Variants in C10orf90 observed in about 807,000 individuals in gnomAD.
C10orf90 encodes the protein chromosome 10 open reading frame 90.
Under a neutral mutation model 62.5 loss-of-function variants are expected in C10orf90, and 56 were observed. The observed-to-expected ratio is 0.90, with a 90% confidence interval of 0.72 to 1.12. C10orf90 has a LOEUF of 1.12. C10orf90 is among the 50% of genes most tolerant of loss of function. C10orf90 has a pLI of 0.00. For missense variants in C10orf90, 970 were observed against 880.4 expected (o/e 1.10, Z -1.29); for synonymous variants, 386 against 340.4 (o/e 1.13, Z -1.47).
intron 2 of C10orf90, among the ~76,000 whole-genome samples, chr10:126,601,477 A>T (rs1845197156): frequency 6.6e-6 from 1 of 151,832 alleles, no homozygotes; most frequent in South Asian, 2.1e-4. Flanking sequence ...TTATTTTTTT[A>T]AAAAGGTGAC....
At chr10:126,430,337 C>T (rs1003059276) in intron 7 of C10orf90, among the ~76,000 whole-genome samples, 3 of 152,184 alleles carry the variant, frequency 2.0e-5, no homozygotes, top group African/African-American at 7.2e-5. Context: ...CACCTTGCCC[C>T]CTTCCTAATG....
rs1165912408 is a variant in C10orf90, at chr10:126,649,078, C to CA, written c.241-2442_241-2441insT. On this transcript the variant is annotated intron_variant, in intron 1 of 9. Coordinates refer to ENST00000488181, the MANE Select transcript of C10orf90 (RefSeq NM_001350921.2). ...TCTCTCTCTCTCTCTCTCTCCCCCC[C>CA]CCCCAGCAATTCACAATGGATGGCA... 4.1e-3 allele frequency among the ~76,000 whole-genome samples: 431 copies of CA among 106,092 alleles called. 4 individuals are homozygous for CA. The highest frequency in any genetic ancestry group is 6.7e-3 in the Non-Finnish European group (344 of 51,536). The allele number at this position is 106,092 out of a possible 152,430, so 69.6% of individuals were successfully genotyped here. A position where few individuals can be genotyped will look rare whatever the true frequency, so the allele number is the denominator to read the frequency against.
chr10:126,620,668 C>T (rs1272942883), intron 2 of C10orf90, among the ~76,000 whole-genome samples: 1 of 151,806 alleles, frequency 6.6e-6, no homozygotes, highest in Non-Finnish European at 1.5e-5. Context: ...AAATAGAAGA[C>T]CCTCCTTGGA....
chr10:126,532,585 C>T (rs532973719), intron 2 of C10orf90, among the ~76,000 whole-genome samples: 1 of 151,908 alleles, frequency 6.6e-6, no homozygotes, highest in African/African-American at 2.4e-5. Context: ...CGCCTATAGT[C>T]CCTGCACTTT....
In C10orf90 at chr10:126,427,278, A is replaced by C. The variant is rs891711140; in HGVS notation, c.2253-1188T>G. On this transcript the variant is annotated intron_variant, in intron 8 of 9. Coordinates refer to ENST00000488181, the MANE Select transcript of C10orf90 (RefSeq NM_001350921.2). ...TAGGAGAGAAAACTATAAAGGAGTC[A>C]GTTAGAAAGTAGGCATGTCTCAAAG... Among the ~76,000 whole-genome samples the C allele has an allele frequency of 6.6e-5, 10 of 152,366 alleles. No homozygotes were observed. The East Asian group carries it at 1.7e-3, about 26-fold the overall frequency.
chr10:126,513,364 A>G (rs1410554303), intron 3 of C10orf90, among the ~76,000 whole-genome samples: 2 of 152,206 alleles, frequency 1.3e-5, no homozygotes, highest in Non-Finnish European at 2.9e-5. Flanking sequence ...TCGATTAGAC[A>G]GAGCCTGGTG....
intron 7 of C10orf90, among the ~76,000 whole-genome samples, chr10:126,450,503 T>G (rs1030618913): frequency 2.0e-4 from 31 of 152,150 alleles, no homozygotes; most frequent in Non-Finnish European, 2.9e-5. Context: ...ACAAGTAGAC[T>G]GATGGAACAG....
At chr10:126,512,442 C>G (rs181712523) in intron 3 of C10orf90, among the ~76,000 whole-genome samples, 3 of 150,836 alleles carry the variant, frequency 2.0e-5, no homozygotes, top group Middle Eastern at 3.2e-3. Context: ...TACAGGGATC[C>G]AGCCACATAG....
chr10:126,518,204 C>T (rs1040939993), intron 2 of C10orf90, among the ~76,000 whole-genome samples: 1 of 152,152 alleles, frequency 6.6e-6, no homozygotes, highest in African/African-American at 2.4e-5. Context: ...GGCCCCCAGA[C>T]CAGCAGCATC....
rs1393993040 is a variant in C10orf90 at position 126,461,493 on chromosome 10, A to AGGGTGCTGCTG, written c.1907_1917dup (p.Ser640GlnfsTer32). 1 of 1,613,972 alleles carries AGGGTGCTGCTG rather than the reference A, an allele frequency of 6.2e-7. No individual in the cohort carries two copies. Among genetic ancestry groups the AGGGTGCTGCTG allele is most frequent in the Admixed American group, 1.7e-5 (1 of 59,966 alleles). On this transcript the variant is annotated frameshift_variant, in exon 6 of 10. Coordinates refer to ENST00000488181, the MANE Select transcript of C10orf90 (RefSeq NM_001350921.2). LOFTEE classifies it high-confidence loss of function. ...CCTGCTCCATCGCGGGGTGCTGGCGAGGGTGCTGCTGGGGAGGGCTCAGGT... is the reference window on the plus strand; with the variant it reads ...CCTGCTCCATCGCGGGGTGCTGGCGAGGGTGCTGCTGGGGTGCTGCTGGGGAGGGCTCAGGT...
At chr10:126,626,051 C>A (rs1231714500) in intron 2 of C10orf90, among the ~76,000 whole-genome samples, 2 of 151,400 alleles carry the variant, frequency 1.3e-5, no homozygotes, top group Admixed American at 6.6e-5. Context: ...ATTGCTTGAA[C>A]CCAGGAGGCA....
At chr10:126,589,718 G>A (rs994793397) in intron 2 of C10orf90, among the ~76,000 whole-genome samples, 4 of 152,130 alleles carry the variant, frequency 2.6e-5, no homozygotes, top group Non-Finnish European at 2.9e-5. Flanking sequence ...ACTAAATATG[G>A]AAAGGAAAAA....
rs1857212775 is a variant in C10orf90, at chr10:126,425,487, T to C, written c.*377A>G. 4.1e-6 allele frequency: 1 copy of C among 241,200 alleles called. No homozygotes were observed. Among genetic ancestry groups the C allele is most frequent in the African/African-American group, 2.2e-5 (1 of 44,590 alleles). 14.9% of individuals were successfully genotyped at this position (241,200 alleles called of 1,614,324 possible). A position where few individuals can be genotyped will look rare whatever the true frequency, so the allele number is the denominator to read the frequency against. On this transcript the variant is annotated 3_prime_UTR_variant, in exon 10 of 10. Coordinates refer to ENST00000488181, the MANE Select transcript of C10orf90 (RefSeq NM_001350921.2). ...GGAGATGGATTTGGATCCCAAAAGT[T>C]TGATGTAAAAGATTCCCCAGGGATG... is the stretch of plus-strand genomic sequence containing the variant.
chr10:126,549,967 T>C (rs1223243631), intron 2 of C10orf90, among the ~76,000 whole-genome samples: 1 of 151,282 alleles, frequency 6.6e-6, no homozygotes, highest in Non-Finnish European at 1.5e-5. Flanking sequence ...CTTTTTTTTT[T>C]TTTTTTTTGA....
intron 2 of C10orf90, among the ~76,000 whole-genome samples, chr10:126,555,162 A>T (rs748454778): frequency 6.6e-6 from 1 of 152,164 alleles, no homozygotes; most frequent in Non-Finnish European, 1.5e-5. Flanking sequence ...GGTTGGGCCC[A>T]CCTGACTCAT....
intron 2 of C10orf90, among the ~76,000 whole-genome samples, chr10:126,561,579 T>C (rs139793135): frequency 2.6e-3 from 401 of 152,282 alleles, no homozygotes; most frequent in African/African-American, 9.0e-3. Context: ...AAGCAGATTT[T>C]CACTCTCCGT....
intron 2 of C10orf90, among the ~76,000 whole-genome samples, chr10:126,535,653 A>T (rs1864215452): frequency 6.6e-6 from 1 of 152,224 alleles, no homozygotes; most frequent in African/African-American, 2.4e-5. Context: ...TAATTAAAAA[A>T]AAATTTGTCT....
At chr10:126,570,558 T>G (rs1844485797) in intron 2 of C10orf90, among the ~76,000 whole-genome samples, 1 of 152,202 alleles carries the variant, frequency 6.6e-6, no homozygotes, top group Non-Finnish European at 1.5e-5. Context: ...TTGAAAATTT[T>G]GGAGTAATGC....
chr10:126,431,669 A>G (rs182764862), intron 7 of C10orf90, among the ~76,000 whole-genome samples: 3 of 152,340 alleles, frequency 2.0e-5, no homozygotes, highest in Admixed American at 1.3e-4. Context: ...GATTAGGGTG[A>G]GGCCAGGGTA....
Sources: gnomAD v4.1 joint callset for allele counts (sites outside exome capture counted in the v4.1 genomes callset) on GRCh38, gnomAD v4.1.1 for gene constraint, MANE v1.5 for transcripts, NCBI Gene and HGNC (gene_info 2026-07-23, HGNC 2026-07-21) for gene names.